The following SMU1 variants were observed in gnomAD, a reference collection of about 807,000 sequenced individuals.
The protein encoded by SMU1 is SMU1 DNA replication regulator and spliceosomal factor, also known as WD40 repeat-containing protein SMU1.
SMU1 carries 2 observed loss-of-function variants against 62.0 expected under a neutral mutation model. The ratio of observed to expected loss-of-function variants is 0.03; its 90% CI spans 0.01 to 0.10. The LOEUF is 0.10. Ranked by LOEUF, SMU1 falls within the 10% of genes least tolerant of loss-of-function variation. The probability of loss-of-function intolerance (pLI) is 1.00; values close to 1 mark genes in which losing one functional copy is unlikely to be tolerated. For missense variants in SMU1, 227 were observed against 622.1 expected, an observed-to-expected ratio of 0.36 and a Z score of 6.76; for synonymous variants, 188 against 212.4, an observed-to-expected ratio of 0.89 and a Z score of 1.00.
chr9:33,062,894 C>T (rs1297491897), intron 4 of SMU1, among the ~76,000 whole-genome samples: 1 of 152,164 alleles, frequency 6.6e-6, no homozygotes, highest in African/African-American at 2.4e-5. Context: ...TACTGCCAAA[C>T]TCCTTTCCAA....
chr9:33,067,500 T>C (rs1001360937), intron 4 of SMU1, among the ~76,000 whole-genome samples: 1 of 148,820 alleles, frequency 6.7e-6, no homozygotes. Flanking sequence ...AGCTTACTTT[T>C]TTTTTTTTTT....
At chr9:33,064,028 C>T (rs959589478) in intron 4 of SMU1, among the ~76,000 whole-genome samples, 1 of 152,014 alleles carries the variant, frequency 6.6e-6, no homozygotes, top group Non-Finnish European at 1.5e-5. Flanking sequence ...ATGGTCTTAC[C>T]ATTCTCACCA....
At chr9:33,070,531 G>A (rs906183584) in intron 3 of SMU1, among the ~76,000 whole-genome samples, 1 of 152,128 alleles carries the variant, frequency 6.6e-6, no homozygotes, top group Non-Finnish European at 1.5e-5. Context: ...CCCACTGCTA[G>A]GTACACACCC....
intron 1 of SMU1, among the ~76,000 whole-genome samples, chr9:33,074,204 T>C (rs909261099): frequency 6.6e-6 from 1 of 152,180 alleles, no homozygotes; most frequent in Non-Finnish European, 1.5e-5. Flanking sequence ...GGCTCATGAC[T>C]GTAATCTCAG....
intron 10 of SMU1, 84 bp from the exon 11 acceptor site, chr9:33,048,342 C>T (rs1407265372): frequency 6.5e-6 from 10 of 1,539,628 alleles, no homozygotes; most frequent in East Asian, 2.3e-5. Flanking sequence ...GACATTTTTA[C>T]GTTGTTATTT....
At chr9:33,066,865 A>G (rs1839427302) in intron 4 of SMU1, among the ~76,000 whole-genome samples, 1 of 152,098 alleles carries the variant, frequency 6.6e-6, no homozygotes, top group Non-Finnish European at 1.5e-5. Flanking sequence ...TAAGAGACCC[A>G]AAATTCCCAG....
At chr9:33,067,719 G>A (rs1325029839) in intron 4 of SMU1, among the ~76,000 whole-genome samples, 3 of 151,666 alleles carry the variant, frequency 2.0e-5, no homozygotes, top group Non-Finnish European at 2.9e-5. Context: ...GGCTCATCTC[G>A]AGCCCCTGAT....
chr9:33,073,415 T>G (rs1839509316), intron 2 of SMU1, among the ~76,000 whole-genome samples, 181 bp downstream of exon 2: 1 of 152,102 alleles, frequency 6.6e-6, no homozygotes, highest in African/African-American at 2.4e-5. Context: ...GAAAGAATTT[T>G]AATTTGGGAA....
At chr9:33,054,591 A>T (rs1839285201) in intron 9 of SMU1, among the ~76,000 whole-genome samples, 1 of 152,190 alleles carries the variant, frequency 6.6e-6, no homozygotes, top group Non-Finnish European at 1.5e-5. Context: ...GTAGCACAGA[A>T]ATCTGAGATG....
rs113211195 is a variant in SMU1, at chr9:33,050,977, C to T, written c.1290+2146G>A. ...TCTACTAAAAATACAAAAAATTAGC[C>T]GGGCGTGGTGGCGGGCGCCTGTAGT... On this transcript the variant is annotated intron_variant, in intron 10 of 11. Coordinates refer to ENST00000397149, the MANE Select transcript of SMU1 (RefSeq NM_018225.3). Among the ~76,000 whole-genome samples the T allele has an allele frequency of 9.4e-5, 10 of 106,828 alleles. No individual in the cohort carries two copies. In the East Asian group the frequency reaches 1.6e-3, roughly 17 times the overall value. The allele number at this position is 106,828 out of a possible 152,430, so 70.1% of individuals were successfully genotyped here. A position where few individuals can be genotyped will look rare whatever the true frequency, so the allele number is the denominator to read the frequency against.
At position 33,043,051 on chromosome 9, in the gene SMU1, T is replaced by G. The variant is rs1224433282; in HGVS notation, c.*4242A>C. ...GGTGTCACCATGTTGGCCAGGGTGG[T>G]CTTGAACTCCTGACCTCGTGATCCA... On this transcript the variant is annotated 3_prime_UTR_variant, in exon 12 of 12. Transcript: ENST00000397149. The G allele has an allele frequency of 1.3e-5, 2 of 152,272 alleles. No individual in the cohort carries two copies. The highest frequency in any genetic ancestry group is 2.9e-5 in the Non-Finnish European group (2 of 68,162). The allele number at this position is 152,272 out of a possible 1,614,324, so 9.4% of individuals were successfully genotyped here.
In SMU1 at chr9:33,045,553, T is replaced by TA. The variant is rs1207412587; in HGVS notation, c.*1739dup. ...CTGCATTTCAGGTCACCATCAAAGG[T>TA]AAATTACAAGGCTGGGCGCAGTGGC... On this transcript the variant is annotated 3_prime_UTR_variant, in exon 12 of 12. Transcript: ENST00000397149. 1 of 152,230 alleles carries TA rather than the reference T, an allele frequency of 6.6e-6. No homozygotes were observed. Among genetic ancestry groups the TA allele is most frequent in the East Asian group, 1.9e-4 (1 of 5,180 alleles). 9.4% of individuals were successfully genotyped at this position (152,230 alleles called of 1,614,324 possible).
chr9:33,075,979 ATAGTTGTTCATTCATTCCAAAAGC>A (rs1172903345), intron 1 of SMU1, among the ~76,000 whole-genome samples: 1 of 152,170 alleles, frequency 6.6e-6, no homozygotes, highest in South Asian at 2.1e-4. Context: ...ATCGGGCCTG[ATAGTTGTTCATTCATTCCAAAAGC>A]TAGTTGTTCA....
chr9:33,062,210 T>C, intron 4 of SMU1, 33 bp from the exon 5 acceptor site: 1 of 1,597,022 alleles, frequency 6.3e-7, no homozygotes, highest in Non-Finnish European at 8.5e-7. Flanking sequence ...AGCAATCTGT[T>C]CAGGTGCTTT....
At chr9:33,064,195 C>G (rs1403208090) in intron 4 of SMU1, among the ~76,000 whole-genome samples, 1 of 152,098 alleles carries the variant, frequency 6.6e-6, no homozygotes, top group African/African-American at 2.4e-5. Context: ...CTCCTGGGCT[C>G]AAGCAGTCCT....
At chr9:33,070,181 G>A (rs919971878) in intron 3 of SMU1, among the ~76,000 whole-genome samples, 12 of 152,100 alleles carry the variant, frequency 7.9e-5, no homozygotes, top group African/African-American at 2.4e-4. Context: ...ACAACTCTAC[G>A]GGAAAAAAAT....
chr9:33,074,776 T>A (rs1839526222), intron 1 of SMU1, among the ~76,000 whole-genome samples: 1 of 150,692 alleles, frequency 6.6e-6, no homozygotes, highest in African/African-American at 2.4e-5. Flanking sequence ...CATCCTCTTT[T>A]TTTTTTTTTT....
chr9:33,073,948 C>T, intron 1 of SMU1, 142 bp from the exon 2 acceptor site: 1 of 741,300 alleles, frequency 1.3e-6, no homozygotes, highest in Non-Finnish European at 2.1e-6. Flanking sequence ...ATCACAGAAT[C>T]TAAATTATAA....
At position 33,044,872 on chromosome 9, in the gene SMU1, G is replaced by C. The variant is rs1317727309; in HGVS notation, c.*2421C>G. 1 of 152,168 alleles carries C rather than the reference G, an allele frequency of 6.6e-6. No homozygotes were observed. Among genetic ancestry groups the C allele is most frequent in the Non-Finnish European group, 1.5e-5 (1 of 68,064 alleles). The allele number at this position is 152,168 out of a possible 1,614,324, so 9.4% of individuals were successfully genotyped here. On this transcript the variant is annotated 3_prime_UTR_variant, in exon 12 of 12. Coordinates refer to ENST00000397149, the MANE Select transcript of SMU1 (RefSeq NM_018225.3). ...GCCGCTGTGCCACACTGGAGTCCCCGGTTAGGTTCCCTGTGCTTAGACCGC... is the reference window on the plus strand; with the variant it reads ...GCCGCTGTGCCACACTGGAGTCCCCCGTTAGGTTCCCTGTGCTTAGACCGC...
Sources: allele counts gnomAD v4.1 joint callset (sites outside exome capture counted in the v4.1 genomes callset), GRCh38; gene constraint gnomAD v4.1.1; transcripts MANE v1.5; gene names NCBI Gene and HGNC (gene_info 2026-07-23, HGNC 2026-07-21).